FREM2: variants seen among roughly 807,000 people sequenced by gnomAD.
FREM2 encodes FRAS1-related extracellular matrix protein 2.
FREM2 carries 119 observed loss-of-function variants against 219.9 expected under a neutral mutation model. The ratio of observed to expected loss-of-function variants is 0.54; its 90% CI spans 0.47 to 0.63. The LOEUF (loss-of-function observed/expected upper bound fraction) is 0.63, where lower values mean the gene tolerates loss of function less well. Among genes scored for constraint, FREM2 ranks in the 30% least tolerant of loss-of-function variants. The pLI, the probability that FREM2 is intolerant of heterozygous loss-of-function variation, is 0.00. For synonymous variants in FREM2, 1,562 were observed against 1,522.8 expected, an observed-to-expected ratio of 1.03 and a Z score of -0.60; for missense variants, 4,030 against 3,993.6, an observed-to-expected ratio of 1.01 and a Z score of -0.25.
At chr13:38,792,556 A>G (rs1289561263) in intron 6 of FREM2, among the ~76,000 whole-genome samples, 2 of 152,158 alleles carry the variant, frequency 1.3e-5, no homozygotes, top group African/African-American at 4.8e-5. Context: ...TATGTTATTT[A>G]TTATTGTTGT....
intron 2 of FREM2, among the ~76,000 whole-genome samples, chr13:38,706,439 T>C (rs1184163428): frequency 6.6e-6 from 1 of 152,216 alleles, no homozygotes; most frequent in Non-Finnish European, 1.5e-5. Flanking sequence ...TAAATAAATG[T>C]ACCTTTGAGA....
intron 2 of FREM2, among the ~76,000 whole-genome samples, chr13:38,720,941 A>G (rs1391048720): frequency 6.6e-6 from 1 of 152,158 alleles, no homozygotes; most frequent in Non-Finnish European, 1.5e-5. Context: ...AGAAGTGGAA[A>G]TAGAAGGCTA....
At chr13:38,810,208 T>C (rs914285454) in intron 6 of FREM2, among the ~76,000 whole-genome samples, 1 of 147,158 alleles carries the variant, frequency 6.8e-6, no homozygotes, top group African/African-American at 2.6e-5. Context: ...AGTTATAATA[T>C]TTTTGGTCGA....
At chr13:38,823,289 G>A (rs537787560) in intron 6 of FREM2, among the ~76,000 whole-genome samples, 8 of 152,010 alleles carry the variant, frequency 5.3e-5, no homozygotes, top group African/African-American at 9.6e-5. Flanking sequence ...TAGCTAGGCC[G>A]CCTGCTTCCA....
intron 11 of FREM2, 37 bp from the exon 12 acceptor site, chr13:38,856,089 A>T: frequency 6.9e-7 from 1 of 1,445,846 alleles, no homozygotes; most frequent in Non-Finnish European, 9.7e-7. Flanking sequence ...TCATATTCAT[A>T]TGCAAATGAT....
chr13:38,821,492 A>C (rs1347414492), intron 6 of FREM2, among the ~76,000 whole-genome samples: 2 of 152,164 alleles, frequency 1.3e-5, no homozygotes, highest in Admixed American at 1.3e-4. Context: ...CATTTGAAGC[A>C]CTTAAAATGA....
intron 2 of FREM2, among the ~76,000 whole-genome samples, chr13:38,742,494 G>T (rs1872288155): frequency 6.6e-6 from 1 of 152,142 alleles, no homozygotes; most frequent in South Asian, 2.1e-4. Context: ...GTACAAATCA[G>T]GTTGTAGCTG....
intron 4 of FREM2, among the ~76,000 whole-genome samples, chr13:38,778,819 A>T (rs1873987864): frequency 6.6e-6 from 1 of 152,064 alleles, no homozygotes; most frequent in African/African-American, 2.4e-5. Flanking sequence ...AACTCTAATA[A>T]ATCAAACTTT....
In FREM2 at chr13:38,851,674, C is replaced by T. The variant is rs1208372904; in HGVS notation, c.6743-12C>T. 3.2e-6 allele frequency: 5 copies of T among 1,585,510 alleles called. No homozygotes were observed. Among genetic ancestry groups the T allele is most frequent in the African/African-American group, 1.3e-5 (1 of 74,336 alleles). ...TAACAATTTCATTTGTCTTTGTTTC[C>T]CACAATTTTAGAGACTGTTATTAAA... On this transcript the variant is annotated splice_polypyrimidine_tract_variant and intron_variant, in intron 10 of 23. Transcript: ENST00000280481.
At chr13:38,803,622 T>C (rs1000772842) in intron 6 of FREM2, among the ~76,000 whole-genome samples, 6 of 151,910 alleles carry the variant, frequency 3.9e-5, no homozygotes, top group East Asian at 3.9e-4. Flanking sequence ...TAATCTTTAC[T>C]GTCAGTCTTA....
At chr13:38,880,223 G>A (rs1878490083) in intron 23 of FREM2, 61 bp from the exon 24 acceptor site, 1 of 1,508,154 alleles carries the variant, frequency 6.6e-7, no homozygotes, top group East Asian at 2.3e-5. Flanking sequence ...CTTGCAAAGA[G>A]TCGTGGATTA....
At chr13:38,757,962 G>A (rs1426459515) in intron 2 of FREM2, among the ~76,000 whole-genome samples, 5 of 152,136 alleles carry the variant, frequency 3.3e-5, no homozygotes, top group Non-Finnish European at 7.4e-5. Context: ...GAATGTGTTA[G>A]GCAATGGAAA....
chr13:38,690,217 A>G lies in FREM2; in HGVS notation c.2873A>G (p.Glu958Gly). The change falls in exon 1 of 24, where the codon GAA becomes GGA. Residue 958 changes from glutamate to glycine, a missense_variant. This residue lies in a region of FREM2 where 3,102 missense variants were observed against 2,950.7 expected (regional missense o/e 1.05). Coordinates refer to ENST00000280481, the MANE Select transcript of FREM2 (RefSeq NM_207361.6). ...CTGGAGTCCTATCTAGATGTCTTAG[A>G]AAATGGGGCTACTGAAATCACTGCC... ...GTLESYLDVL[E>G]NGATEITANV... The G allele has an allele frequency of 6.2e-7, 1 of 1,614,188 alleles. No individual in the cohort carries two copies. Among genetic ancestry groups the G allele is most frequent in the Non-Finnish European group, 8.5e-7 (1 of 1,180,034 alleles).
At chr13:38,818,663 A>G (rs1451672348) in intron 6 of FREM2, among the ~76,000 whole-genome samples, 1 of 152,046 alleles carries the variant, frequency 6.6e-6, no homozygotes, top group Admixed American at 6.6e-5. Context: ...ATAAAATATT[A>G]TATATTATAA....
chr13:38,824,822 C>T (rs371786473), intron 6 of FREM2, among the ~76,000 whole-genome samples: 1 of 152,012 alleles, frequency 6.6e-6, no homozygotes, highest in Non-Finnish European at 1.5e-5. Context: ...AGAATTCAGA[C>T]TCCTCTCCTC....
intron 2 of FREM2, among the ~76,000 whole-genome samples, chr13:38,704,146 T>C (rs926829527): frequency 6.6e-6 from 1 of 152,174 alleles, no homozygotes; most frequent in South Asian, 2.1e-4. Flanking sequence ...TCAGAGTTTC[T>C]ATGGTGAATC....
rs562774061 is a variant in FREM2 at position 38,727,339 on chromosome 13, C to G, written c.5263+29552C>G. 3.9e-5 allele frequency among the ~76,000 whole-genome samples: 6 copies of G among 152,130 alleles called. No homozygotes were observed. In the East Asian group the frequency reaches 1.2e-3, roughly 29 times the overall value. Reference sequence around the variant, plus strand: ...CTCTATTAAAAATACAAAAATACAGCGTGGTGGCACAGGCCTGTAATCTCA... The same window carrying G: ...CTCTATTAAAAATACAAAAATACAGGGTGGTGGCACAGGCCTGTAATCTCA... On this transcript the variant is annotated intron_variant, in intron 2 of 23. Coordinates refer to ENST00000280481, the MANE Select transcript of FREM2 (RefSeq NM_207361.6).
At chr13:38,857,631 C>T (rs894100287) in intron 12 of FREM2, among the ~76,000 whole-genome samples, 1 of 152,194 alleles carries the variant, frequency 6.6e-6, no homozygotes, top group Non-Finnish European at 1.5e-5. Context: ...GGCCGCTGGC[C>T]AACCTTTGGA....
chr13:38,692,711 A>G (rs1387406841), intron 1 of FREM2, among the ~76,000 whole-genome samples, 194 bp downstream of exon 1: 5 of 152,160 alleles, frequency 3.3e-5, no homozygotes, highest in Admixed American at 6.5e-5. Context: ...AGTGGCCTTC[A>G]TTAGAGGGAG....
Sources: allele counts gnomAD v4.1 joint callset (sites outside exome capture counted in the v4.1 genomes callset), GRCh38; gene constraint gnomAD v4.1.1; regional missense constraint gnomAD v4.1.1; transcripts MANE v1.5; gene names NCBI Gene and HGNC (gene_info 2026-07-23, HGNC 2026-07-21).